RBM6: variants seen among roughly 807,000 people sequenced by gnomAD.
RBM6 encodes the protein RNA binding motif protein 6, also known as RNA-binding protein 6.
A neutral mutation model predicts 140.4 loss-of-function variants in RBM6; 23 were observed. That is an observed-to-expected ratio of 0.16 (90% confidence interval 0.12 to 0.23). The LOEUF is 0.23. Ranked by LOEUF, RBM6 falls within the 10% of genes least tolerant of loss-of-function variation. The probability of loss-of-function intolerance (pLI) is 1.00; values close to 1 mark genes in which losing one functional copy is unlikely to be tolerated. For missense variants in RBM6, 1,139 were observed against 1,386.7 expected (o/e 0.82, Z 2.84); for synonymous variants, 439 against 475.6 (o/e 0.92, Z 1.00).
At chr3:50,006,801 C>T (rs1285212686) in intron 6 of RBM6, among the ~76,000 whole-genome samples, 3 of 151,802 alleles carry the variant, frequency 2.0e-5, no homozygotes, top group East Asian at 3.9e-4. Flanking sequence ...GGCGTGGTGG[C>T]GGGCGCCTGT....
At chr3:50,051,960 C>A (rs1559633397) in intron 7 of RBM6, among the ~76,000 whole-genome samples, 2 of 152,140 alleles carry the variant, frequency 1.3e-5, no homozygotes, top group Non-Finnish European at 2.9e-5. Flanking sequence ...CACTAGATTT[C>A]TTTTGGGGTG....
chr3:49,975,664 A>G (rs750449144), intron 5 of RBM6, among the ~76,000 whole-genome samples: 3 of 152,226 alleles, frequency 2.0e-5, no homozygotes, highest in Non-Finnish European at 4.4e-5. Context: ...TATATTTTAT[A>G]TAATTATTAA....
intron 6 of RBM6, chr3:50,047,318 G>T (rs748885727): frequency 3.0e-6 from 3 of 985,262 alleles, no homozygotes; most frequent in Non-Finnish European, 3.6e-6. Flanking sequence ...TTCCAGAGTC[G>T]CATTCTCGGT....
Position 50,017,942 on chromosome 3 carries a change from A to G in RBM6, c.1557+18429A>G, listed in dbSNP as rs1042345257. On this transcript the variant is annotated intron_variant, in intron 6 of 20. Coordinates refer to ENST00000266022, the MANE Select transcript of RBM6 (RefSeq NM_005777.3). Reference sequence around the variant, plus strand: ...ATGAAGCTATGAACAGTTCCTGTATAGTTATCCCTGCCACCCTTCTCCCAA... The same window carrying G: ...ATGAAGCTATGAACAGTTCCTGTATGGTTATCCCTGCCACCCTTCTCCCAA... Among the ~76,000 whole-genome samples, 5 of 152,168 alleles carry G rather than the reference A, an allele frequency of 3.3e-5. No homozygotes were observed. In the East Asian group the frequency reaches 9.6e-4, roughly 29 times the overall value.
At chr3:49,976,032 GC>G (rs1388226711) in intron 5 of RBM6, among the ~76,000 whole-genome samples, 2 of 152,052 alleles carry the variant, frequency 1.3e-5, no homozygotes, top group Non-Finnish European at 2.9e-5. Context: ...AAGGTGAAAT[GC>G]CAAGAACTCA....
In RBM6 at chr3:49,954,297, G is replaced by A. The variant is rs143920072; in HGVS notation, c.-66-8279G>A. 2.1e-3 allele frequency among the ~76,000 whole-genome samples: 316 copies of A among 152,108 alleles called. 3 individuals carry two copies. The highest frequency in any genetic ancestry group is 0.016 in the South Asian group (75 of 4,816). ...CACTAAAAAAATACAAAAATTAGCTGGGCGTGGTGGCACGTGCCTGTAGTC... is the reference window on the plus strand; with the variant it reads ...CACTAAAAAAATACAAAAATTAGCTAGGCGTGGTGGCACGTGCCTGTAGTC... On this transcript the variant is annotated intron_variant, in intron 1 of 20. Coordinates refer to ENST00000266022, the MANE Select transcript of RBM6 (RefSeq NM_005777.3).
intron 6 of RBM6, among the ~76,000 whole-genome samples, chr3:50,047,760 A>G (rs900779317): frequency 6.6e-6 from 1 of 152,188 alleles, no homozygotes; most frequent in Non-Finnish European, 1.5e-5. Flanking sequence ...CCATACAGCC[A>G]GTGTTTCAAA....
chr3:49,975,466 A>G (rs2085023946), intron 5 of RBM6, 74 bp downstream of exon 5: 1 of 1,284,080 alleles, frequency 7.8e-7, no homozygotes, highest in Non-Finnish European at 1.1e-6. Context: ...TGTGCTACTT[A>G]AAATTTGTTT....
intron 6 of RBM6, among the ~76,000 whole-genome samples, chr3:50,010,032 G>A (rs1003909136): frequency 6.6e-6 from 1 of 151,906 alleles, no homozygotes; most frequent in African/African-American, 2.4e-5. Flanking sequence ...GGAATTACAG[G>A]CACACCACCA....
chr3:50,075,869 G>A (rs942162461), intron 20 of RBM6, among the ~76,000 whole-genome samples: 16 of 152,068 alleles, frequency 1.1e-4, no homozygotes, highest in Non-Finnish European at 1.9e-4. Context: ...CTCTCCTACC[G>A]AGTTTCTCAT....
intron 1 of RBM6, chr3:49,941,073 G>C (rs1268637779): frequency 2.6e-5 from 4 of 152,020 alleles, no homozygotes; most frequent in Admixed American, 2.6e-4. Context: ...ACCCTGGATT[G>C]TGCCCTCGGC....
intron 4 of RBM6, among the ~76,000 whole-genome samples, chr3:49,973,565 G>A (rs184412467): frequency 6.0e-5 from 9 of 150,958 alleles, no homozygotes; most frequent in Admixed American, 4.6e-4. Context: ...GCCTTTGAAG[G>A]TTATGCTCTT....
chr3:50,015,046 C>CAAAA (rs71080566), intron 6 of RBM6, among the ~76,000 whole-genome samples: 1 of 52,852 alleles, frequency 1.9e-5, no homozygotes, highest in Non-Finnish European at 3.1e-5. Context: ...GAGACTGTCT[C>CAAAA]AAAAAAAAAA....
intron 5 of RBM6, among the ~76,000 whole-genome samples, chr3:49,995,120 C>G (rs1220312906): frequency 6.6e-6 from 1 of 152,112 alleles, no homozygotes; most frequent in East Asian, 1.9e-4. Flanking sequence ...GTACCTTATT[C>G]TCCTGTAACC....
At chr3:49,993,370 G>A (rs1317322355) in intron 5 of RBM6, among the ~76,000 whole-genome samples, 1 of 152,192 alleles carries the variant, frequency 6.6e-6, no homozygotes, top group Non-Finnish European at 1.5e-5. Flanking sequence ...ATTTAGGTCA[G>A]GTGGCTCACT....
chr3:49,976,985 A>T (rs1053182518), intron 5 of RBM6, among the ~76,000 whole-genome samples: 1 of 152,160 alleles, frequency 6.6e-6, no homozygotes, highest in Admixed American at 6.6e-5. Context: ...AAAGAATTGG[A>T]TTGCTAGTTT....
intron 3 of RBM6, among the ~76,000 whole-genome samples, chr3:49,969,077 T>G (rs1217141730): frequency 6.6e-6 from 1 of 151,164 alleles, no homozygotes; most frequent in Non-Finnish European, 1.5e-5. Flanking sequence ...CAGGCTAGAG[T>G]GCAGTGACAT....
intron 5 of RBM6, among the ~76,000 whole-genome samples, chr3:49,994,669 GGTGT>G (rs59949998): frequency 1.3e-5 from 2 of 148,250 alleles, no homozygotes; most frequent in Non-Finnish European, 3.0e-5. Flanking sequence ...AAGGCTGTGG[GGTGT>G]GTGTGTGTGT....
intron 7 of RBM6, among the ~76,000 whole-genome samples, chr3:50,051,542 G>A (rs1008362879): frequency 2.6e-5 from 4 of 152,220 alleles, no homozygotes; most frequent in African/African-American, 9.6e-5. Flanking sequence ...TTGGGAGGCC[G>A]AGGCAGGAGA....
Sources: allele counts gnomAD v4.1 joint callset (sites outside exome capture counted in the v4.1 genomes callset), GRCh38; gene constraint gnomAD v4.1.1; transcripts MANE v1.5; gene names NCBI Gene and HGNC (gene_info 2026-07-23, HGNC 2026-07-21).